SCAPER: variants seen among roughly 807,000 people sequenced by gnomAD.
The protein encoded by SCAPER is S-phase cyclin A associated protein in the ER.
Under a neutral mutation model 182.2 loss-of-function variants are expected in SCAPER, and 98 were observed. The observed-to-expected ratio is 0.54, with a 90% CI of 0.46 to 0.64. The LOEUF (loss-of-function observed/expected upper bound fraction) is 0.64, where lower values mean the gene tolerates loss of function less well. Ranked by LOEUF, SCAPER falls within the 30% of genes least tolerant of loss-of-function variation. SCAPER has a pLI of 0.00. For missense variants in SCAPER, 1,432 were observed against 1,690.0 expected (o/e 0.85, Z 2.68); for synonymous variants, 605 against 564.6 (o/e 1.07, Z -1.01).
chr15:76,511,869 GTGTA>G (rs1567313694), intron 23 of SCAPER, among the ~76,000 whole-genome samples: 2 of 96,640 alleles, frequency 2.1e-5, no homozygotes, highest in Non-Finnish European at 4.2e-5. Context: ...GTGTGTGTGT[GTGTA>G]TATATATATA....
intron 23 of SCAPER, among the ~76,000 whole-genome samples, chr15:76,545,296 A>C (rs2045168870): frequency 6.6e-6 from 1 of 152,128 alleles, no homozygotes; most frequent in South Asian, 2.1e-4. Context: ...TTCCTTGTTA[A>C]CTGGCACAAG....
intron 22 of SCAPER, among the ~76,000 whole-genome samples, chr15:76,596,788 T>G (rs984490946): frequency 2.5e-5 from 3 of 120,710 alleles, no homozygotes; most frequent in African/African-American, 7.6e-5. Context: ...CTCAATAAAG[T>G]AGGTATTGAT....
At chr15:76,861,333 A>G (rs138505719) in intron 3 of SCAPER, among the ~76,000 whole-genome samples, 9 of 152,354 alleles carry the variant, frequency 5.9e-5, no homozygotes, top group Non-Finnish European at 1.0e-4. Flanking sequence ...ACTTAAAGCA[A>G]TTGATTAAAT....
At position 76,723,322 on chromosome 15, in the gene SCAPER, A is replaced by G. The variant is rs545550372; in HGVS notation, c.2165+5273T>C. Among the ~76,000 whole-genome samples, 1,210 of 151,962 alleles carry G rather than the reference A, an allele frequency of 8.0e-3. 10 individuals are homozygous for G. Among genetic ancestry groups the G allele is most frequent in the African/African-American group, 0.028 (1,149 of 41,464 alleles). ...TTTGTTATAATTTCTCTTCTTTTAC[A>G]TTTGCTGAGGAGTGTTTTACTTCCA... On this transcript the variant is annotated intron_variant, in intron 17 of 31. Transcript: ENST00000563290.
chr15:76,677,103 A>G (rs920628713), intron 20 of SCAPER, among the ~76,000 whole-genome samples: 21 of 152,126 alleles, frequency 1.4e-4, no homozygotes, highest in Non-Finnish European at 3.1e-4. Context: ...GACACAGTAG[A>G]TAAGACTGAC....
rs149573317 is a variant in SCAPER, at chr15:76,808,970, C to A, written c.394-4337G>T. ...CTGGAACACATATTTAATACCTCAA[C>A]TTTTCCAGCTGGATCTTGAGAGATG... On this transcript the variant is annotated intron_variant, in intron 5 of 31. Coordinates refer to ENST00000563290, the MANE Select transcript of SCAPER (RefSeq NM_020843.4). Among the ~76,000 whole-genome samples the A allele has an allele frequency of 3.3e-5, 5 of 152,312 alleles. No homozygotes were observed. In the East Asian group the frequency reaches 9.6e-4, roughly 29 times the overall value.
intron 4 of SCAPER, among the ~76,000 whole-genome samples, chr15:76,847,338 A>G (rs903536680): frequency 1.3e-5 from 2 of 151,926 alleles, no homozygotes; most frequent in African/African-American, 2.4e-5. Context: ...AACTTAAAGC[A>G]TAATAAATAA....
chr15:76,388,806 A>G (rs760516823), intron 27 of SCAPER, among the ~76,000 whole-genome samples: 17 of 151,408 alleles, frequency 1.1e-4, no homozygotes, highest in Non-Finnish European at 2.2e-4. Context: ...TAAAAACACA[A>G]AAAAATTAGC....
intron 20 of SCAPER, among the ~76,000 whole-genome samples, chr15:76,683,610 G>A (rs1248604535): frequency 6.6e-6 from 1 of 151,886 alleles, no homozygotes; most frequent in Non-Finnish European, 1.5e-5. Flanking sequence ...GAGTCATCAG[G>A]TTTCCCAAGG....
At chr15:76,828,310 G>A (rs2068176410) in intron 5 of SCAPER, among the ~76,000 whole-genome samples, 1 of 151,628 alleles carries the variant, frequency 6.6e-6, no homozygotes, top group African/African-American at 2.4e-5. Flanking sequence ...AACCAGACAA[G>A]TCAAATTTGA....
intron 25 of SCAPER, among the ~76,000 whole-genome samples, chr15:76,449,285 A>G (rs1465983153): frequency 6.6e-6 from 1 of 152,200 alleles, no homozygotes; most frequent in African/African-American, 2.4e-5. Flanking sequence ...GACATTTCTT[A>G]TTTCATGTAG....
chr15:76,386,725 C>T (rs369302315), intron 27 of SCAPER, among the ~76,000 whole-genome samples: 5 of 152,062 alleles, frequency 3.3e-5, no homozygotes, highest in Admixed American at 1.3e-4. Flanking sequence ...GAGCCAGGAG[C>T]GTGCATGACA....
intron 5 of SCAPER, among the ~76,000 whole-genome samples, chr15:76,820,300 T>A (rs1317564360): frequency 6.6e-6 from 1 of 152,086 alleles, no homozygotes; most frequent in Admixed American, 6.6e-5. Flanking sequence ...GTATGTTTAT[T>A]GCGGCACTAT....
chr15:76,405,540 A>C (rs1436042857), intron 26 of SCAPER, among the ~76,000 whole-genome samples: 3 of 152,228 alleles, frequency 2.0e-5, no homozygotes, highest in Non-Finnish European at 2.9e-5. Flanking sequence ...CTGAGGGTTG[A>C]CAACAACATT....
At chr15:76,476,549 C>T (rs1041858486) in intron 24 of SCAPER, among the ~76,000 whole-genome samples, 1 of 151,370 alleles carries the variant, frequency 6.6e-6, no homozygotes, top group Non-Finnish European at 1.5e-5. Context: ...CTACCTCAGC[C>T]TCCAGAGTAG....
chr15:76,676,458 C>A (rs1241458438), intron 20 of SCAPER, among the ~76,000 whole-genome samples: 1 of 152,098 alleles, frequency 6.6e-6, no homozygotes, highest in African/African-American at 2.4e-5. Flanking sequence ...GTCAACTAGT[C>A]TTATACCCCA....
intron 22 of SCAPER, among the ~76,000 whole-genome samples, chr15:76,581,160 G>C (rs543002886): frequency 6.6e-6 from 1 of 152,158 alleles, no homozygotes; most frequent in South Asian, 2.1e-4. Flanking sequence ...ATAATAAAAA[G>C]TCTCCCAACA....
chr15:76,764,459 T>C (rs372011022), intron 14 of SCAPER, among the ~76,000 whole-genome samples: 52 of 152,360 alleles, frequency 3.4e-4, no homozygotes, highest in African/African-American at 1.2e-3. Context: ...GCTGTGGCCA[T>C]GTGTGTGCAT....
At chr15:76,667,786 C>G (rs192500) in intron 20 of SCAPER, among the ~76,000 whole-genome samples, 1 of 151,880 alleles carries the variant, frequency 6.6e-6, no homozygotes, top group Non-Finnish European at 1.5e-5. Flanking sequence ...AATCCCGTCT[C>G]TACTAAAAAT....
Sources: gnomAD v4.1 joint callset for allele counts (sites outside exome capture counted in the v4.1 genomes callset) on GRCh38, gnomAD v4.1.1 for gene constraint, MANE v1.5 for transcripts, NCBI Gene and HGNC (gene_info 2026-07-23, HGNC 2026-07-21) for gene names.